The following TDRD9 variants were observed in gnomAD, a reference collection of about 807,000 sequenced individuals.
TDRD9 encodes the protein tudor domain containing 9.
TDRD9 carries 124 observed loss-of-function variants against 172.6 expected under a neutral mutation model. The observed-to-expected ratio is 0.72, with a 90% CI of 0.62 to 0.83. The LOEUF (loss-of-function observed/expected upper bound fraction) is 0.83, where lower values mean the gene tolerates loss of function less well. TDRD9 is among the 40% of genes least tolerant of loss of function. TDRD9 has a pLI of 0.00. For missense variants in TDRD9, 1,479 were observed against 1,714.1 expected (o/e 0.86, Z 2.42); for synonymous variants, 619 against 617.1 (o/e 1.00, Z -0.05).
intron 7 of TDRD9, among the ~76,000 whole-genome samples, chr14:103,979,327 G>A (rs531643708): frequency 1.1e-4 from 16 of 152,236 alleles, no homozygotes; most frequent in African/African-American, 3.9e-4. Context: ...ATTGTGAATA[G>A]CATTTAACAC....
chr14:104,038,358 T>C (rs877009), intron 32 of TDRD9, among the ~76,000 whole-genome samples: 58,510 of 152,094 alleles, frequency 0.38, 11,536 homozygotes, highest in African/African-American at 0.46. Context: ...CTGGGTTTTC[T>C]GGCTACTGTG....
At chr14:103,991,633 G>A (rs554024295) in intron 9 of TDRD9, among the ~76,000 whole-genome samples, 5 of 152,136 alleles carry the variant, frequency 3.3e-5, no homozygotes, top group South Asian at 4.1e-4. Context: ...GGATGGTCTC[G>A]ATCTCTTGAC....
At chr14:103,928,924 GT>G (rs543255081) in intron 1 of TDRD9, 200 bp downstream of exon 1, 29,391 of 117,614 alleles carry the variant, frequency 0.25, 2,850 homozygotes, top group East Asian at 0.27. Flanking sequence ...TGAGCTAGAG[GT>G]TTTTTTTTTT....
intron 20 of TDRD9, chr14:104,014,030 C>T (rs577770856): frequency 6.6e-6 from 1 of 152,214 alleles, no homozygotes; most frequent in Admixed American, 6.5e-5. Context: ...GAGATTGAGA[C>T]CATCCTGGCT....
intron 32 of TDRD9, among the ~76,000 whole-genome samples, chr14:104,036,884 A>T (rs2035465399): frequency 6.6e-6 from 1 of 152,210 alleles, no homozygotes. Context: ...TAACTAGGTG[A>T]TTATCGGAAA....
intron 1 of TDRD9, among the ~76,000 whole-genome samples, chr14:103,944,245 C>T (rs757408083): frequency 6.8e-6 from 1 of 147,770 alleles, no homozygotes; most frequent in Non-Finnish European, 1.5e-5. Context: ...CTTGCTCGAC[C>T]CTAGAGCACA....
chr14:103,996,493 A>T (rs8014546), intron 12 of TDRD9, among the ~76,000 whole-genome samples: 51,450 of 152,058 alleles, frequency 0.34, 8,897 homozygotes, highest in Middle Eastern at 0.37. Flanking sequence ...TCTTTCAGAT[A>T]GGATCTTTCA....
At chr14:104,004,599 C>T (rs1280428458) in intron 14 of TDRD9, among the ~76,000 whole-genome samples, 2 of 152,084 alleles carry the variant, frequency 1.3e-5, no homozygotes, top group African/African-American at 2.4e-5. Context: ...AGACTGATCT[C>T]GAACTCCTGA....
chr14:104,042,926 C>G (rs1339939649), intron 34 of TDRD9, among the ~76,000 whole-genome samples: 2 of 152,116 alleles, frequency 1.3e-5, no homozygotes, highest in Non-Finnish European at 2.9e-5. Flanking sequence ...GTTTAATAAG[C>G]ATTTTTTAAA....
chr14:103,945,045 A>G (rs1019995378), intron 1 of TDRD9, among the ~76,000 whole-genome samples: 8 of 152,222 alleles, frequency 5.3e-5, no homozygotes, highest in Admixed American at 3.9e-4. Context: ...GCCAGCCTCC[A>G]AATGTGAAGA....
chr14:103,970,033 G>A (rs1436648456), intron 5 of TDRD9, among the ~76,000 whole-genome samples: 1 of 152,192 alleles, frequency 6.6e-6, no homozygotes, highest in African/African-American at 2.4e-5. Context: ...CTTGTGAGCT[G>A]CAGTTATGCA....
intron 1 of TDRD9, among the ~76,000 whole-genome samples, chr14:103,929,196 G>T (rs181526567): frequency 4.7e-4 from 72 of 152,150 alleles, no homozygotes; most frequent in Admixed American, 3.6e-3. Flanking sequence ...CTAACGTCAC[G>T]CATTACAGAG....
At chr14:104,022,711 A>AGGCGGAGGTTACAGTCAGCCGAGATTGC (rs2034997080) in intron 24 of TDRD9, among the ~76,000 whole-genome samples, 1 of 144,032 alleles carries the variant, frequency 6.9e-6, no homozygotes, top group Non-Finnish European at 1.5e-5. Flanking sequence ...TGGGCGACAG[A>AGGCGGAGGTTACAGTCAGCCGAGATTGC]ACAAGACGCT....
In TDRD9 at chr14:103,928,572, C is replaced by T. The variant is rs2030128146; in HGVS notation, c.63C>T (p.Thr21=). 7.3e-7 allele frequency: 1 copy of T among 1,375,498 alleles called. No homozygotes were observed. Among genetic ancestry groups the T allele is most frequent in the African/African-American group, 1.5e-5 (1 of 65,636 alleles). 85.2% of individuals were successfully genotyped at this position (1,375,498 alleles called of 1,614,324 possible). ...NDWFTIGKTV[T]NVELLGAPPA... The stretch of plus-strand genomic sequence containing the variant: ...GGTTCACCATCGGCAAGACGGTGAC[C>T]AATGTGGAGCTGCTGGGCGCGCCGC... Residue 21 remains threonine, a synonymous_variant, in exon 1 of 36, where the codon ACC becomes ACT. Coordinates refer to ENST00000409874, the MANE Select transcript of TDRD9 (RefSeq NM_153046.3).
intron 33 of TDRD9, 94 bp from the exon 34 acceptor site, chr14:104,041,975 A>C: frequency 1.2e-6 from 1 of 860,022 alleles, no homozygotes; most frequent in Non-Finnish European, 1.9e-6. Context: ...CTGATGACAG[A>C]GAATACTAAC....
At chr14:104,021,455 G>A (rs947741527) in intron 23 of TDRD9, among the ~76,000 whole-genome samples, 1 of 152,172 alleles carries the variant, frequency 6.6e-6, no homozygotes, top group African/African-American at 2.4e-5. Context: ...AGCACTTTGG[G>A]AGGCTGAGAT....
intron 1 of TDRD9, among the ~76,000 whole-genome samples, chr14:103,953,148 C>T (rs2032029658): frequency 6.6e-6 from 1 of 152,180 alleles, no homozygotes; most frequent in Non-Finnish European, 1.5e-5. Context: ...TTATTTCTCT[C>T]TCTGCTCAAA....
At chr14:104,018,718 G>A (rs1305917090) in intron 23 of TDRD9, among the ~76,000 whole-genome samples, 1 of 152,088 alleles carries the variant, frequency 6.6e-6, no homozygotes, top group Non-Finnish European at 1.5e-5. Context: ...ATTTCTAACA[G>A]GAAATGTTTA....
At chr14:103,942,559 A>C (rs1329532614) in intron 1 of TDRD9, among the ~76,000 whole-genome samples, 1 of 152,242 alleles carries the variant, frequency 6.6e-6, no homozygotes, top group Non-Finnish European at 1.5e-5. Flanking sequence ...TGCTGTGCAT[A>C]GCTGTAGGTC....
Sources: allele counts gnomAD v4.1 joint callset (sites outside exome capture counted in the v4.1 genomes callset), GRCh38; gene constraint gnomAD v4.1.1; transcripts MANE v1.5; gene names NCBI Gene and HGNC (gene_info 2026-07-23, HGNC 2026-07-21).